RAPGEF5: variants seen among roughly 807,000 people sequenced by gnomAD.
RAPGEF5 encodes Rap guanine nucleotide exchange factor 5, also known as M-Ras-regulated GEF.
Under a neutral mutation model 125.2 loss-of-function variants are expected in RAPGEF5, and 65 were observed. The ratio of observed to expected loss-of-function variants is 0.52; its 90% CI spans 0.43 to 0.64. The LOEUF is 0.64. Among genes scored for constraint, RAPGEF5 ranks in the 30% least tolerant of loss-of-function variants. RAPGEF5 has a pLI of 0.00. For missense variants in RAPGEF5, 958 were observed against 1,048.1 expected (o/e 0.91, Z 1.19); for synonymous variants, 391 against 385.9 (o/e 1.01, Z -0.16).
intron 11 of RAPGEF5, among the ~76,000 whole-genome samples, chr7:22,181,941 A>T (rs1410128030): frequency 6.6e-6 from 1 of 152,222 alleles, no homozygotes; most frequent in Non-Finnish European, 1.5e-5. Context: ...TCTCTTTTAG[A>T]TGTGGGCTTG....
chr7:22,325,408 T>C (rs779537002), intron 1 of RAPGEF5, among the ~76,000 whole-genome samples: 6 of 152,174 alleles, frequency 3.9e-5, no homozygotes, highest in African/African-American at 7.2e-5. Context: ...TCAAAAGCTA[T>C]GAAACCCATC....
intron 11 of RAPGEF5, among the ~76,000 whole-genome samples, chr7:22,189,710 C>G (rs560213281): frequency 5.3e-4 from 81 of 152,110 alleles, no homozygotes; most frequent in Non-Finnish European, 1.1e-3. Context: ...CAATCACTGT[C>G]CAGGTTCACA....
chr7:22,299,057 A>AT lies in RAPGEF5; in HGVS notation c.681-7817dup, dbSNP rs965974536. On this transcript the variant is annotated intron_variant, in intron 5 of 25. Coordinates refer to ENST00000665637, the MANE Select transcript of RAPGEF5 (RefSeq NM_012294.5). ...TTCAAAGAACCAACTTAGTTTCATTATTTTTTTTTCTAATTTCTTTTCACT... is the reference window on the plus strand; with the variant it reads ...TTCAAAGAACCAACTTAGTTTCATTATTTTTTTTTTCTAATTTCTTTTCACT... Among the ~76,000 whole-genome samples the AT allele has an allele frequency of 2.7e-5, 3 of 113,036 alleles. 1 individual carries two copies. Among genetic ancestry groups the AT allele is most frequent in the South Asian group, 5.7e-4 (2 of 3,506 alleles). 74.2% of individuals were successfully genotyped at this position (113,036 alleles called of 152,430 possible).
intron 6 of RAPGEF5, among the ~76,000 whole-genome samples, chr7:22,267,410 A>G (rs1051237978): frequency 5.9e-5 from 9 of 152,216 alleles, no homozygotes; most frequent in African/African-American, 2.2e-4. Context: ...GCTAGTTTAT[A>G]AAGAAATTCT....
At chr7:22,184,023 C>T (rs1283300541) in intron 11 of RAPGEF5, among the ~76,000 whole-genome samples, 2 of 152,150 alleles carry the variant, frequency 1.3e-5, no homozygotes, top group African/African-American at 4.8e-5. Flanking sequence ...TGGTTTGTTT[C>T]TGGCATGCTC....
chr7:22,299,199 A>G (rs1441920842), intron 5 of RAPGEF5, among the ~76,000 whole-genome samples: 1 of 152,030 alleles, frequency 6.6e-6, no homozygotes, highest in East Asian at 1.9e-4. Flanking sequence ...TTCCTAATAT[A>G]AGCATTAAAA....
intron 4 of RAPGEF5, among the ~76,000 whole-genome samples, chr7:22,309,645 A>C (rs1206896725): frequency 1.3e-5 from 2 of 152,184 alleles, no homozygotes; most frequent in Non-Finnish European, 1.5e-5. Context: ...TAAATCACAC[A>C]CTTAGAGCAA....
At chr7:22,205,469 C>A (rs1318564336) in intron 9 of RAPGEF5, among the ~76,000 whole-genome samples, 1 of 152,138 alleles carries the variant, frequency 6.6e-6, no homozygotes, top group Non-Finnish European at 1.5e-5. Context: ...AGCTCCAGTT[C>A]CACAAACACT....
At chr7:22,208,420 C>T (rs2128129889) in intron 9 of RAPGEF5, among the ~76,000 whole-genome samples, 1 of 152,276 alleles carries the variant, frequency 6.6e-6, no homozygotes, top group African/African-American at 2.4e-5. Context: ...TCTTTCTAAT[C>T]ATCTCTGTGA....
At chr7:22,330,009 A>C (rs1371748681) in intron 1 of RAPGEF5, among the ~76,000 whole-genome samples, 1 of 152,218 alleles carries the variant, frequency 6.6e-6, no homozygotes, top group Non-Finnish European at 1.5e-5. Context: ...GTCTGTCTAC[A>C]AGACAGCTAT....
intron 9 of RAPGEF5, among the ~76,000 whole-genome samples, chr7:22,208,490 A>G (rs187349269): frequency 1.3e-4 from 20 of 152,316 alleles, no homozygotes; most frequent in African/African-American, 4.6e-4. Flanking sequence ...TGATCAGCTC[A>G]GCACAGATCA....
intron 11 of RAPGEF5, among the ~76,000 whole-genome samples, chr7:22,189,450 G>C (rs1242766925): frequency 6.6e-6 from 1 of 152,138 alleles, no homozygotes; most frequent in Non-Finnish European, 1.5e-5. Flanking sequence ...GACCACCACA[G>C]AGCAGGACTG....
intron 9 of RAPGEF5, among the ~76,000 whole-genome samples, chr7:22,214,608 T>C (rs1159854305): frequency 6.6e-6 from 1 of 152,152 alleles, no homozygotes; most frequent in East Asian, 1.9e-4. Context: ...TTACTGAAAA[T>C]AAAATATGAA....
chr7:22,148,134 G>C (rs564263488), intron 18 of RAPGEF5, among the ~76,000 whole-genome samples: 7 of 152,172 alleles, frequency 4.6e-5, no homozygotes, highest in Non-Finnish European at 8.8e-5. Flanking sequence ...ATGTAGAGGT[G>C]TTGAGGTGGA....
intron 3 of RAPGEF5, among the ~76,000 whole-genome samples, chr7:22,312,248 G>A (rs115641728): frequency 0.017 from 2,568 of 150,572 alleles, 68 homozygotes; most frequent in African/African-American, 0.059. Context: ...CACTCACGTC[G>A]CCCAGGCTGG....
intron 12 of RAPGEF5, among the ~76,000 whole-genome samples, chr7:22,166,864 C>T (rs1776164036): frequency 6.6e-6 from 1 of 152,224 alleles, no homozygotes; most frequent in South Asian, 2.1e-4. Context: ...ATAGCCACAA[C>T]ATAGAATGTG....
At chr7:22,193,713 T>C (rs1785073740) in intron 10 of RAPGEF5, 2 of 1,553,068 alleles carry the variant, frequency 1.3e-6, no homozygotes, top group African/African-American at 2.7e-5. Flanking sequence ...GATCTTGCCA[T>C]CCCTGTCCTT....
At chr7:22,257,666 G>C (rs1326372231) in intron 7 of RAPGEF5, among the ~76,000 whole-genome samples, 3 of 152,186 alleles carry the variant, frequency 2.0e-5, no homozygotes, top group South Asian at 4.1e-4. Context: ...AATGCACAGT[G>C]AATCAGTCAG....
chr7:22,205,853 G>A (rs747114425), intron 9 of RAPGEF5, among the ~76,000 whole-genome samples: 10 of 152,176 alleles, frequency 6.6e-5, no homozygotes, highest in Non-Finnish European at 1.3e-4. Flanking sequence ...ACTTCTAGCT[G>A]GATATGCTAG....
Sources: allele counts gnomAD v4.1 joint callset (sites outside exome capture counted in the v4.1 genomes callset), GRCh38; gene constraint gnomAD v4.1.1; transcripts MANE v1.5; gene names NCBI Gene and HGNC (gene_info 2026-07-23, HGNC 2026-07-21).